Variants in ZNF487 observed in about 807,000 individuals in gnomAD.
ZNF487 encodes KRAB domain only 1.
A neutral mutation model predicts 3.0 loss-of-function variants in ZNF487; 4 were observed. That is an observed-to-expected ratio of 1.35 (90% CI 0.66 to 3.08). ZNF487 has a LOEUF of 3.08. ZNF487 is among the 30% of genes most tolerant of loss of function. ZNF487 has a pLI of 0.01. For missense variants in ZNF487, 146 were observed against 98.7 expected (o/e 1.48, Z -2.03); for synonymous variants, 55 against 34.6 (o/e 1.59, Z -2.06).
intron 1 of ZNF487, among the ~76,000 whole-genome samples, chr10:43,446,776 A>G (rs1839824411): frequency 6.6e-6 from 1 of 152,042 alleles, no homozygotes; most frequent in Non-Finnish European, 1.5e-5. Flanking sequence ...GACGCTCCTC[A>G]CTTCCTAGAC....
chr10:43,482,098 A>C lies in ZNF487; in HGVS notation c.*176A>C. 1.7e-6 allele frequency: 1 copy of C among 573,328 alleles called. No individual in the cohort carries two copies. The highest frequency in any genetic ancestry group is 3.1e-6 in the Non-Finnish European group (1 of 326,194). The allele number at this position is 573,328 out of a possible 1,614,324, so 35.5% of individuals were successfully genotyped here. Reference sequence around the variant, plus strand: ...GATGAAATACTATGAGTGTAATGCGAGTGAGAATAGTTTTGGCAAGAAATC... The same window carrying C: ...GATGAAATACTATGAGTGTAATGCGCGTGAGAATAGTTTTGGCAAGAAATC... On this transcript the variant is annotated 3_prime_UTR_variant, in exon 4 of 4. Transcript: ENST00000437590.
intron 1 of ZNF487, among the ~76,000 whole-genome samples, chr10:43,473,667 CT>C (rs1284745379): frequency 8.7e-5 from 13 of 148,776 alleles, no homozygotes; most frequent in Admixed American, 2.0e-4. Context: ...TACAGGCCCC[CT>C]TTTTTTTTTC....
chr10:43,466,369 A>G (rs115486858), intron 1 of ZNF487, among the ~76,000 whole-genome samples: 2,058 of 149,644 alleles, frequency 0.014, 40 homozygotes, highest in African/African-American at 0.047. Flanking sequence ...AGCATGGTTT[A>G]CTGAATTTTT....
At chr10:43,495,921 A>T in the ZNF487 span, 2 of 441,624 alleles carry the variant, frequency 4.5e-6, no homozygotes, top group Non-Finnish European at 4.7e-6. Context: ...TTTTTCTTTG[A>T]GTATCAATAG....
At chr10:43,493,709 A>AAAAAAAAAATATATATATAT in the ZNF487 span, among the ~76,000 whole-genome samples, 1 of 43,702 alleles carries the variant, frequency 2.3e-5, no homozygotes, top group African/African-American at 8.7e-5. Context: ...AAAAAAAAAA[A>AAAAAAAAAATATATATATAT]ATATATATAT....
chr10:43,437,094 C>T (rs114589475), upstream of ZNF487: 28,907 of 299,460 alleles, frequency 0.097, 3,236 homozygotes, highest in African/African-American at 0.35. Flanking sequence ...AGGCCCCGCC[C>T]CTCGGCGGCC....
intron 3 of ZNF487, among the ~76,000 whole-genome samples, chr10:43,480,730 T>C (rs201498608): frequency 7.8e-4 from 109 of 139,506 alleles, no homozygotes; most frequent in East Asian, 2.7e-3. Flanking sequence ...CTCTCTCTCT[T>C]TTTTTTTTTT....
the ZNF487 span, among the ~76,000 whole-genome samples, chr10:43,498,120 T>A: frequency 0.24 from 4,457 of 18,962 alleles, 657 homozygotes; most frequent in Non-Finnish European, 0.32. Flanking sequence ...TTTTCTTTTT[T>A]TTTTTTTTTT....
intron 1 of ZNF487, among the ~76,000 whole-genome samples, chr10:43,443,468 G>C (rs1052195537): frequency 6.6e-6 from 1 of 150,750 alleles, no homozygotes; most frequent in Non-Finnish European, 1.5e-5. Context: ...CCCCCTACCG[G>C]GTTCAAGAGA....
chr10:43,436,925 A>G (rs1839404210), upstream of ZNF487: 1 of 468,074 alleles, frequency 2.1e-6, no homozygotes, highest in African/African-American at 2.0e-5. Flanking sequence ...GTCTTCCTGA[A>G]GAAGGCTGGG....
intron 1 of ZNF487, chr10:43,453,738 G>A (rs1023129629): frequency 2.0e-5 from 3 of 151,650 alleles, no homozygotes; most frequent in African/African-American, 7.3e-5. Context: ...GTGATGATGT[G>A]TAGACTGAAG....
the ZNF487 span, among the ~76,000 whole-genome samples, chr10:43,503,351 C>T: frequency 1.3e-5 from 2 of 152,008 alleles, no homozygotes; most frequent in African/African-American, 4.8e-5. Flanking sequence ...TACAGCTATA[C>T]AATGATTACA....
intron 1 of ZNF487, among the ~76,000 whole-genome samples, chr10:43,449,111 G>C (rs118078976): frequency 0.034 from 5,175 of 152,098 alleles, 114 homozygotes; most frequent in South Asian, 0.041. Context: ...CCAGCCTGGG[G>C]GACATGGTGA....
chr10:43,466,181 A>AGAGAGGGAGAGGGAGACCATAGG (rs1554798617), intron 1 of ZNF487, among the ~76,000 whole-genome samples: 10 of 135,482 alleles, frequency 7.4e-5, no homozygotes, highest in South Asian at 2.6e-4. Flanking sequence ...GACCGTGGAA[A>AGAGAGGGAGAGGGAGACCATAGG]GAGAGGGAGA....
chr10:43,497,434 T>C, the ZNF487 span, among the ~76,000 whole-genome samples: 1 of 152,172 alleles, frequency 6.6e-6, no homozygotes, highest in African/African-American at 2.4e-5. Context: ...AGTGACAGGA[T>C]CTGACTCACC....
chr10:43,453,358 G>A (rs1840068267), intron 1 of ZNF487: 1 of 152,148 alleles, frequency 6.6e-6, no homozygotes, highest in African/African-American at 2.4e-5. Context: ...TTTAGTAAAT[G>A]CTCTTAAGAG....
At chr10:43,448,995 GAAAAA>G (rs928786631) in intron 1 of ZNF487, among the ~76,000 whole-genome samples, 1 of 56,338 alleles carries the variant, frequency 1.8e-5, no homozygotes, top group Non-Finnish European at 3.4e-5. Context: ...ACCTGTCTCC[GAAAAA>G]AAAAAAAAAA....
At position 43,482,123 on chromosome 10, in the gene ZNF487, C is replaced by A. The variant is rs1247016814; in HGVS notation, c.*201C>A. On this transcript the variant is annotated 3_prime_UTR_variant, in exon 4 of 4. Coordinates refer to ENST00000437590, the MANE Select transcript of ZNF487 (RefSeq NM_001355444.3). ...AGTGAGAATAGTTTTGGCAAGAAAT[C>A]ACTCCTCATTCTACAAAGTTACAGA... The A allele has an allele frequency of 5.3e-6, 3 of 565,348 alleles. No homozygotes were observed. The African/African-American group carries it at 5.6e-5, about 11-fold the overall frequency. The allele number at this position is 565,348 out of a possible 1,614,324, so 35.0% of individuals were successfully genotyped here. A position where few individuals can be genotyped will look rare whatever the true frequency, so the allele number is the denominator to read the frequency against.
At chr10:43,498,099 ATTTTTTTTTTTTTTCTTTTTTTTT>A in the ZNF487 span, among the ~76,000 whole-genome samples, 4 of 20,178 alleles carry the variant, frequency 2.0e-4, no homozygotes, top group African/African-American at 6.5e-4. Flanking sequence ...ATATATATAT[ATTTTTTTTTTTTTTCTTTTTTTTT>A]TTTTTTTTTT....
Sources: gnomAD v4.1 joint callset for allele counts (sites outside exome capture counted in the v4.1 genomes callset) on GRCh38, gnomAD v4.1.1 for gene constraint, MANE v1.5 for transcripts, NCBI Gene and HGNC (gene_info 2026-07-23, HGNC 2026-07-21) for gene names.